Variants in LEKR1 observed in about 807,000 individuals in gnomAD.
LEKR1 encodes the protein protein LEKR1.
Under a neutral mutation model 72.4 loss-of-function variants are expected in LEKR1, and 59 were observed. The observed-to-expected ratio is 0.82, with a 90% CI of 0.66 to 1.01. The LOEUF (loss-of-function observed/expected upper bound fraction) is 1.01, where lower values mean the gene tolerates loss of function less well. Among genes scored for constraint, LEKR1 ranks in the 50% least tolerant of loss-of-function variants. The pLI, the probability that LEKR1 is intolerant of heterozygous loss-of-function variation, is 0.00. For synonymous variants in LEKR1, 257 were observed against 263.2 expected, an observed-to-expected ratio of 0.98 and a Z score of 0.23; for missense variants, 728 against 759.2, an observed-to-expected ratio of 0.96 and a Z score of 0.48.
At chr3:156,952,644 A>C (rs1727269870) in intron 6 of LEKR1, among the ~76,000 whole-genome samples, 1 of 151,522 alleles carries the variant, frequency 6.6e-6, no homozygotes, top group African/African-American at 2.4e-5. Context: ...TCTAGAGACT[A>C]GTTTTCAATA....
rs780296365 is a variant in LEKR1 at position 157,045,571 on chromosome 3, C to T, written c.1900C>T (p.Pro634Ser). 1.1e-5 allele frequency: 17 copies of T among 1,614,142 alleles called. No individual in the cohort carries two copies. Among genetic ancestry groups the T allele is most frequent in the Non-Finnish European group, 1.4e-5 (17 of 1,180,032 alleles). The change falls in exon 13 of 13, where the codon CCC becomes TCC. Residue 634 changes from proline to serine, a missense_variant. Coordinates refer to ENST00000356539, the MANE Select transcript of LEKR1 (RefSeq NM_001004316.3). The stretch of plus-strand genomic sequence containing the variant: ...GAACTCTGAAAAAGGAATCCAAATT[C>T]CCAACCTGCGCGGGGTGTCAAAACC... The part of the protein sequence containing the change: ...RLNSEKGIQI[P>S]NLRGVSKPTT...
intron 10 of LEKR1, chr3:157,017,196 A>T (rs1733413138): frequency 1.3e-5 from 2 of 152,242 alleles, no homozygotes; most frequent in South Asian, 4.1e-4. Flanking sequence ...TAGACAATAT[A>T]CAAATGAATG....
chr3:157,031,785 C>T (rs1734631630), intron 12 of LEKR1, among the ~76,000 whole-genome samples: 1 of 152,142 alleles, frequency 6.6e-6, no homozygotes, highest in South Asian at 2.1e-4. Flanking sequence ...GCCCTGTTCT[C>T]TTTCAAGAGG....
At chr3:156,917,511 G>A (rs371459470) in intron 3 of LEKR1, among the ~76,000 whole-genome samples, 2 of 152,182 alleles carry the variant, frequency 1.3e-5, no homozygotes, top group African/African-American at 4.8e-5. Context: ...GGGGAAGGGT[G>A]GGGGGCCCAC....
rs557419453 is a variant in LEKR1, at chr3:157,028,336, T to A, written c.1602T>A (p.Asp534Glu). 6.2e-7 allele frequency: 1 copy of A among 1,613,338 alleles called. No individual in the cohort carries two copies. Among genetic ancestry groups the A allele is most frequent in the East Asian group, 2.2e-5 (1 of 44,786 alleles). The part of the protein sequence containing the change: ...NLRKEMEQKS[D>E]ELKRVMLAQT... ...GGAAGGAAATGGAACAGAAGTCGGA[T>A]GAACTGAAAAGAGTAATGCTGGCTC... Residue 534 changes from aspartate to glutamate, a missense_variant, in exon 12 of 13, where the codon GAT becomes GAA. Transcript: ENST00000356539.
intron 12 of LEKR1, 21 bp from the exon 13 acceptor site, chr3:157,045,319 T>C: frequency 6.3e-7 from 1 of 1,589,706 alleles, no homozygotes; most frequent in Non-Finnish European, 8.6e-7. Context: ...GTCTGCTTTC[T>C]TTTCCCCTCT....
At chr3:156,899,038 A>G (rs1329477430) in intron 3 of LEKR1, among the ~76,000 whole-genome samples, 10 of 152,126 alleles carry the variant, frequency 6.6e-5, no homozygotes, top group Non-Finnish European at 8.8e-5. Context: ...AAAAAGAGCT[A>G]TTTTTGCCAG....
chr3:156,984,072 C>T (rs10513502), intron 7 of LEKR1, among the ~76,000 whole-genome samples: 8,942 of 152,080 alleles, frequency 0.059, 331 homozygotes, highest in African/African-American at 0.096. Context: ...AAAGAACAGA[C>T]GGTTATGGCA....
At chr3:157,027,491 G>C (rs1314899091) in intron 11 of LEKR1, among the ~76,000 whole-genome samples, 5 of 152,068 alleles carry the variant, frequency 3.3e-5, no homozygotes, top group Non-Finnish European at 1.5e-5. Flanking sequence ...AACCTAGTTA[G>C]GTCCAGACAG....
chr3:156,840,149 A>G (rs892645904), intron 2 of LEKR1, among the ~76,000 whole-genome samples: 8 of 152,190 alleles, frequency 5.3e-5, no homozygotes, highest in African/African-American at 1.9e-4. Flanking sequence ...TAAAATATGC[A>G]TTAATTGAAT....
At chr3:156,915,534 C>T (rs1200340153) in intron 3 of LEKR1, among the ~76,000 whole-genome samples, 2 of 151,732 alleles carry the variant, frequency 1.3e-5, no homozygotes, top group Non-Finnish European at 2.9e-5. Context: ...TTTTCATATG[C>T]TCATTGGCCA....
At chr3:156,986,951 G>A (rs1490014079) in intron 7 of LEKR1, among the ~76,000 whole-genome samples, 2 of 152,166 alleles carry the variant, frequency 1.3e-5, no homozygotes, top group African/African-American at 4.8e-5. Context: ...GTTAGTTTAA[G>A]AATGGCTGTT....
In LEKR1 at chr3:156,899,710, A is replaced by G. The variant is rs187619629; in HGVS notation, c.264-20865A>G. Among the ~76,000 whole-genome samples, 146 of 121,470 alleles carry G rather than the reference A, an allele frequency of 1.2e-3. 4 individuals are homozygous for G. The highest frequency in any genetic ancestry group is 4.8e-3 in the African/African-American group (135 of 28,356). 79.7% of individuals were successfully genotyped at this position (121,470 alleles called of 152,430 possible). On this transcript the variant is annotated intron_variant, in intron 3 of 12. Transcript: ENST00000356539. ...TATACACATATATACACGCATATAT[A>G]CACATATATACATGCATATATACAC...
chr3:157,025,203 G>A (rs987770654), intron 11 of LEKR1, among the ~76,000 whole-genome samples: 5 of 152,030 alleles, frequency 3.3e-5, no homozygotes, highest in Non-Finnish European at 5.9e-5. Context: ...AAATTAGTAC[G>A]GCTAGATATT....
At chr3:156,963,433 C>G (rs1021973914) in intron 6 of LEKR1, among the ~76,000 whole-genome samples, 2 of 152,158 alleles carry the variant, frequency 1.3e-5, no homozygotes, top group Admixed American at 6.6e-5. Flanking sequence ...AGCTCATCCA[C>G]ATTTATGGGC....
intron 3 of LEKR1, among the ~76,000 whole-genome samples, chr3:156,894,294 A>G (rs1238953723): frequency 6.6e-6 from 1 of 152,250 alleles, no homozygotes; most frequent in Non-Finnish European, 1.5e-5. Flanking sequence ...ACTTTAAATA[A>G]AAGTGATCAC....
intron 6 of LEKR1, among the ~76,000 whole-genome samples, chr3:156,964,953 C>T (rs2107986602): frequency 6.6e-6 from 1 of 152,178 alleles, no homozygotes; most frequent in African/African-American, 2.4e-5. Context: ...ATATTCTGTT[C>T]ATTTCATTGT....
intron 12 of LEKR1, among the ~76,000 whole-genome samples, chr3:157,041,579 A>C (rs1180821703): frequency 6.6e-6 from 1 of 152,010 alleles, no homozygotes; most frequent in Non-Finnish European, 1.5e-5. Context: ...GCCATATTTC[A>C]TCCCAAGGTG....
At chr3:156,859,443 A>G (rs1716495622) in intron 3 of LEKR1, among the ~76,000 whole-genome samples, 1 of 152,174 alleles carries the variant, frequency 6.6e-6, no homozygotes, top group Non-Finnish European at 1.5e-5. Context: ...AAATTAATAA[A>G]CTTTATTTTT....
Sources: gnomAD v4.1 joint callset for allele counts (sites outside exome capture counted in the v4.1 genomes callset) on GRCh38, gnomAD v4.1.1 for gene constraint, MANE v1.5 for transcripts, NCBI Gene and HGNC (gene_info 2026-07-23, HGNC 2026-07-21) for gene names.